MAPKBP1: variants seen among roughly 807,000 people sequenced by gnomAD.
The protein encoded by MAPKBP1 is mitogen-activated protein kinase-binding protein 1.
In MAPKBP1, 71 loss-of-function variants were observed where a neutral mutation model predicts 170.5. The observed-to-expected ratio is 0.42, with a 90% CI of 0.34 to 0.51. The LOEUF (loss-of-function observed/expected upper bound fraction) is 0.51. Among genes scored for constraint, MAPKBP1 ranks in the 20% least tolerant of loss-of-function variants. The pLI is 0.06. For missense variants in MAPKBP1, 1,598 were observed against 1,933.0 expected (o/e 0.83, Z 3.25); for synonymous variants, 719 against 757.9 (o/e 0.95, Z 0.84).
rs2065047066 is a variant in MAPKBP1, at chr15:41,823,937, T to G, written c.4089T>G (p.Cys1363Trp). 6.2e-7 allele frequency: 1 copy of G among 1,614,098 alleles called. No individual in the cohort carries two copies. The highest frequency in any genetic ancestry group is 8.5e-7 in the Non-Finnish European group (1 of 1,180,008). The stretch of plus-strand genomic sequence containing the variant: ...CTCATCCTGGGCCCAGCAGCCCCTG[T>G]GCCCAGCAACTGCCAGTCAGCAGCC... ...CQAHPGPSSPCAQQLPVSSLF... is the reference protein window; with the variant it reads ...CQAHPGPSSPWAQQLPVSSLF... Residue 1363 changes from cysteine to tryptophan, a missense_variant, in exon 29 of 31, where the codon TGT becomes TGG. Cys to Trp is a radical substitution (Grantham distance 215). Around this residue, in one of 6 missense-constraint regions of MAPKBP1, gnomAD observed 942 missense variants for 953.2 expected, o/e 0.99. Coordinates refer to ENST00000457542, the MANE Select transcript of MAPKBP1 (RefSeq NM_014994.3).
chr15:41,808,585 C>T (rs1324380386), intron 3 of MAPKBP1, among the ~76,000 whole-genome samples: 2 of 151,502 alleles, frequency 1.3e-5, no homozygotes, highest in African/African-American at 2.4e-5. Flanking sequence ...AAGCAATTCT[C>T]CTGCCTCAGC....
Position 41,818,012 on chromosome 15 carries a change from A to G in MAPKBP1, c.1908A>G (p.Ile636Met). 6.2e-7 allele frequency: 1 copy of G among 1,614,078 alleles called. No individual in the cohort carries two copies. The highest frequency in any genetic ancestry group is 1.1e-5 in the South Asian group (1 of 91,086). Residue 636 changes from isoleucine to methionine, a missense_variant, in exon 17 of 31, where the codon ATA becomes ATG. Around this residue, in one of 6 missense-constraint regions of MAPKBP1, gnomAD observed 430 missense variants for 617.2 expected, o/e 0.70. Coordinates refer to ENST00000457542, the MANE Select transcript of MAPKBP1 (RefSeq NM_014994.3). The surrounding 1 kb of genome is among the most constrained non-coding windows in gnomAD (Gnocchi z 5.2). ...AIGCQDRNIR[I>M]FNISSGKQKK... ...AAAGAGACTATGTTTCTTACAGGATATTTAACATCAGCAGTGGAAAGCAGA... is the reference window on the plus strand; with the variant it reads ...AAAGAGACTATGTTTCTTACAGGATGTTTAACATCAGCAGTGGAAAGCAGA...
At chr15:41,796,296 A>G (rs2064487709) in intron 2 of MAPKBP1, among the ~76,000 whole-genome samples, 1 of 152,164 alleles carries the variant, frequency 6.6e-6, no homozygotes, top group South Asian at 2.1e-4. Context: ...GGATGTTCAA[A>G]TTTGTCTCCA....
intron 2 of MAPKBP1, among the ~76,000 whole-genome samples, chr15:41,777,675 C>T (rs1244199749): frequency 6.6e-6 from 1 of 152,204 alleles, no homozygotes; most frequent in African/African-American, 2.4e-5. Flanking sequence ...ACTCCCCACA[C>T]TCCTTAGTAA....
chr15:41,800,019 C>T, intron 3 of MAPKBP1, 105 bp downstream of exon 3: 1 of 930,768 alleles, frequency 1.1e-6, no homozygotes, highest in Non-Finnish European at 1.7e-6. Context: ...AAGATAGATA[C>T]AGGTTAATGT....
At chr15:41,815,900 G>A in intron 12 of MAPKBP1, 101 bp downstream of exon 12, 2 of 1,215,160 alleles carry the variant, frequency 1.6e-6, no homozygotes, top group Non-Finnish European at 2.3e-6. Flanking sequence ...TGGGCAACAA[G>A]ATACTTATTT....
At chr15:41,803,031 A>G (rs894614018) in intron 3 of MAPKBP1, among the ~76,000 whole-genome samples, 1 of 152,198 alleles carries the variant, frequency 6.6e-6, no homozygotes, top group East Asian at 1.9e-4. Context: ...ATTCTATGCC[A>G]GGTACTTTTT....
rs1470452240 is a variant in MAPKBP1, at chr15:41,817,351, A to G, written c.1712-37A>G. 2.5e-6 allele frequency: 4 copies of G among 1,599,386 alleles called. No individual in the cohort carries two copies. The highest frequency in any genetic ancestry group is 3.4e-6 in the Non-Finnish European group (4 of 1,166,476). ...GGAGGCAGGCTGCTCCCATGTGGTG[A>G]GAACAGTGGGAACAGCTGGGCTTCC... is the stretch of plus-strand genomic sequence containing the variant. On this transcript the variant is annotated intron_variant, in intron 14 of 30. Coordinates refer to ENST00000457542, the MANE Select transcript of MAPKBP1 (RefSeq NM_014994.3). The surrounding 1 kb of genome is among the most constrained non-coding windows in gnomAD (Gnocchi z 4.2).
intron 11 of MAPKBP1, 83 bp from the exon 12 acceptor site, chr15:41,815,541 G>T (rs1439474450): frequency 1.3e-6 from 2 of 1,555,632 alleles, no homozygotes; most frequent in Non-Finnish European, 1.7e-6. Context: ...TGGTCCAAGG[G>T]TTTGTTTTGC....
At chr15:41,808,340 C>A (rs890467219) in intron 3 of MAPKBP1, among the ~76,000 whole-genome samples, 27 of 151,120 alleles carry the variant, frequency 1.8e-4, no homozygotes, top group Non-Finnish European at 2.9e-5. Context: ...CTCCTGACCT[C>A]GTGATCTGCC....
At chr15:41,823,339 C>T in intron 28 of MAPKBP1, 108 bp from the exon 29 acceptor site, 2 of 1,544,898 alleles carry the variant, frequency 1.3e-6, no homozygotes, top group East Asian at 2.3e-5. Context: ...CACTAGGTGT[C>T]CCTTAATGGG....
rs2064517901 is a variant in MAPKBP1, at chr15:41,797,847, G to A, written c.115-1976G>A. 2.6e-5 allele frequency among the ~76,000 whole-genome samples: 4 copies of A among 152,106 alleles called. No individual in the cohort carries two copies. In the South Asian group the frequency reaches 8.3e-4, roughly 32 times the overall value. ...CAGATAACCTTGGGGACCTTTCTGG[G>A]GAATAGGTATTAAATGTAACATCTC... is the stretch of plus-strand genomic sequence containing the variant. On this transcript the variant is annotated intron_variant, in intron 2 of 30. Transcript: ENST00000457542.
At chr15:41,819,411 G>A in intron 21 of MAPKBP1, 32 bp downstream of exon 21, 2 of 1,611,940 alleles carry the variant, frequency 1.2e-6, no homozygotes, top group Non-Finnish European at 1.7e-6. Context: ...GGGCAGACAG[G>A]CCCTAGTTGG....
chr15:41,809,731 C>G (rs1432267465), intron 3 of MAPKBP1, among the ~76,000 whole-genome samples: 2 of 152,242 alleles, frequency 1.3e-5, no homozygotes, highest in Non-Finnish European at 2.9e-5. Flanking sequence ...GGCTTCTTGC[C>G]CCCGATTCCT....
chr15:41,822,786 A>G, intron 27 of MAPKBP1, 109 bp downstream of exon 27: 1 of 1,480,010 alleles, frequency 6.8e-7, no homozygotes, highest in Non-Finnish European at 9.3e-7. Flanking sequence ...GGTGTTTTGC[A>G]CTCCCAGTTT....
Position 41,813,022 on chromosome 15 carries a change from G to T in MAPKBP1, c.740G>T (p.Ser247Ile). The stretch of plus-strand genomic sequence containing the variant: ...TGTGGCAGAGGAAAAAAGGCGGACA[G>T]TACCTTCTGCATCACGTCCTCAGGG... The part of the protein sequence containing the change: ...VACGRGKKAD[S>I]TFCITSSGLL... The change falls in exon 8 of 31, where the codon AGT becomes ATT. Residue 247 changes from serine (S) to isoleucine (I), a missense_variant. Coordinates refer to ENST00000457542, the MANE Select transcript of MAPKBP1 (RefSeq NM_014994.3). The T allele has an allele frequency of 6.2e-7, 1 of 1,614,064 alleles. No individual in the cohort carries two copies. Among genetic ancestry groups the T allele is most frequent in the Non-Finnish European group, 8.5e-7 (1 of 1,179,956 alleles).
chr15:41,820,869 C>G lies in MAPKBP1; in HGVS notation c.2519C>G (p.Ala840Gly), dbSNP rs147620917. ...ESVGFLDPAP[A>G]ANPGPRRRGR... ...GTGGGGTTCCTGGACCCAGCTCCTG[C>G]AGCCAACCCAGGACCCAGAAGAAGA... The change falls in exon 23 of 31, where the codon GCA becomes GGA. Residue 840 changes from alanine (A) to glycine (G), a missense_variant. Ala to Gly is a moderately conservative substitution (Grantham distance 60). This residue lies in a region of MAPKBP1 where 942 missense variants were observed against 953.2 expected (regional missense o/e 0.99). Coordinates refer to ENST00000457542, the MANE Select transcript of MAPKBP1 (RefSeq NM_014994.3). 1 of 1,614,010 alleles carries G rather than the reference C, an allele frequency of 6.2e-7. No individual in the cohort carries two copies. The highest frequency in any genetic ancestry group is 2.2e-5 in the East Asian group (1 of 44,880).
intron 2 of MAPKBP1, among the ~76,000 whole-genome samples, chr15:41,777,211 C>G (rs1441459302): frequency 6.6e-6 from 1 of 151,970 alleles, no homozygotes; most frequent in East Asian, 1.9e-4. Context: ...CGTGGTGGTG[C>G]ATGTCTGTAA....
In MAPKBP1 at chr15:41,825,683, G is replaced by A. The variant is rs900176870; in HGVS notation, c.*247G>A. On this transcript the variant is annotated 3_prime_UTR_variant, in exon 31 of 31. Transcript: ENST00000457542. ...CTCCAGTGGCAGGGACAGGTCTTGG[G>A]TCTTTGTCATCTTGGTGCTGTGAGA... The A allele has an allele frequency of 1.2e-4, 52 of 449,666 alleles. No homozygotes were observed. The highest frequency in any genetic ancestry group is 2.0e-4 in the Non-Finnish European group (50 of 251,250). 27.9% of individuals were successfully genotyped at this position (449,666 alleles called of 1,614,324 possible).
Sources: gnomAD v4.1 joint callset for allele counts (sites outside exome capture counted in the v4.1 genomes callset) on GRCh38, gnomAD v4.1.1 for gene constraint, gnomAD v4.1.1 regional missense constraint, Gnocchi (gnomAD v3.1) non-coding constraint, MANE v1.5 for transcripts, NCBI Gene and HGNC (gene_info 2026-07-23, HGNC 2026-07-21) for gene names.